Variants in CMTM8 observed in about 807,000 individuals in gnomAD.
CMTM8 encodes the protein CKLF like MARVEL transmembrane domain containing 8.
In CMTM8, 12 loss-of-function variants were observed where a neutral mutation model predicts 18.6. The observed-to-expected ratio is 0.65, with a 90% CI of 0.41 to 1.05. The LOEUF (loss-of-function observed/expected upper bound fraction) is 1.05. Among genes scored for constraint, CMTM8 ranks in the 50% least tolerant of loss-of-function variants. The pLI, the probability that CMTM8 is intolerant of heterozygous loss-of-function variation, is 0.00. For synonymous variants in CMTM8, 87 were observed against 90.6 expected (o/e 0.96, Z 0.23); for missense variants, 217 against 227.2 (o/e 0.95, Z 0.29).
At position 32,243,075 on chromosome 3, in the gene CMTM8, T is replaced by C. The variant is rs773533719; in HGVS notation, c.147+3956T>C. On this transcript the variant is annotated intron_variant, in intron 1 of 3. Coordinates refer to ENST00000307526, the MANE Select transcript of CMTM8 (RefSeq NM_178868.5). ...GCCTACCTAATTTTTGTATTTTTCATAGAGACAGGGTTTCGCCATGTTGGC... is the reference window on the plus strand; with the variant it reads ...GCCTACCTAATTTTTGTATTTTTCACAGAGACAGGGTTTCGCCATGTTGGC... Among the ~76,000 whole-genome samples, 131 of 152,040 alleles carry C rather than the reference T, an allele frequency of 8.6e-4. No homozygotes were observed. In the Middle Eastern group the frequency reaches 0.014, roughly 16 times the overall value.
At chr3:32,262,919 AC>A (rs1289015612) in intron 1 of CMTM8, among the ~76,000 whole-genome samples, 2 of 151,626 alleles carry the variant, frequency 1.3e-5, no homozygotes, top group African/African-American at 4.9e-5. Context: ...CCTCTCTGGT[AC>A]ATACTAGGGT....
intron 1 of CMTM8, among the ~76,000 whole-genome samples, chr3:32,345,650 T>C (rs899503195): frequency 2.0e-5 from 3 of 152,152 alleles, no homozygotes; most frequent in Admixed American, 1.3e-4. Context: ...ATAAAAGATA[T>C]CCATCATCTA....
intron 1 of CMTM8, among the ~76,000 whole-genome samples, chr3:32,316,102 C>T (rs1052209117): frequency 7.3e-6 from 1 of 136,486 alleles, no homozygotes; most frequent in African/African-American, 2.7e-5. Flanking sequence ...TCTCGGCTCA[C>T]TGCAAGCTCC....
At chr3:32,366,508 A>G (rs1697039852) in intron 2 of CMTM8, among the ~76,000 whole-genome samples, 1 of 152,188 alleles carries the variant, frequency 6.6e-6, no homozygotes. Context: ...TTGTATAAAG[A>G]ACTAGACATG....
intron 1 of CMTM8, among the ~76,000 whole-genome samples, chr3:32,280,838 A>C (rs1366591420): frequency 7.6e-6 from 1 of 132,016 alleles, no homozygotes; most frequent in African/African-American, 2.8e-5. Flanking sequence ...AACACGAGAG[A>C]AAATAGGCAA....
At chr3:32,244,231 AG>A (rs1166249381) in intron 1 of CMTM8, among the ~76,000 whole-genome samples, 1 of 152,208 alleles carries the variant, frequency 6.6e-6, no homozygotes, top group Non-Finnish European at 1.5e-5. Context: ...TGTGTCACCC[AG>A]GCTGGAGAGT....
rs80314343 is a variant in CMTM8, at chr3:32,296,057, C to T, written c.147+56938C>T. On this transcript the variant is annotated intron_variant, in intron 1 of 3. Transcript: ENST00000307526. ...TCTTCAGGAAACCATCCTTGATTTT[C>T]CCACCTCTCAGTCTGTGTTGTGTGC... Among the ~76,000 whole-genome samples the T allele has an allele frequency of 7.1e-3, 1,080 of 152,284 alleles. 10 individuals carry two copies. The highest frequency in any genetic ancestry group is 0.025 in the African/African-American group (1,023 of 41,556).
intron 2 of CMTM8, among the ~76,000 whole-genome samples, chr3:32,366,937 A>C (rs1382605042): frequency 6.6e-6 from 1 of 152,214 alleles, no homozygotes; most frequent in Non-Finnish European, 1.5e-5. Flanking sequence ...GGAGGTGGCG[A>C]CAGGAACATA....
chr3:32,298,438 CTTTTT>C (rs75095552), intron 1 of CMTM8, among the ~76,000 whole-genome samples: 1 of 139,084 alleles, frequency 7.2e-6, no homozygotes, highest in African/African-American at 2.7e-5. Context: ...ACATACCCCC[CTTTTT>C]TTTTTTTTTT....
intron 1 of CMTM8, among the ~76,000 whole-genome samples, chr3:32,268,585 A>C (rs1313983339): frequency 3.7e-5 from 1 of 27,042 alleles, no homozygotes; most frequent in Non-Finnish European, 6.9e-5. Context: ...CTAGAACTTA[A>C]AGTATAAAAA....
At chr3:32,322,215 C>G (rs1296429814) in intron 1 of CMTM8, among the ~76,000 whole-genome samples, 2 of 152,078 alleles carry the variant, frequency 1.3e-5, no homozygotes, top group Non-Finnish European at 2.9e-5. Context: ...GTGTGCAGTC[C>G]AATTCAGATT....
chr3:32,290,632 T>C (rs935809058), intron 1 of CMTM8, among the ~76,000 whole-genome samples: 4 of 152,250 alleles, frequency 2.6e-5, no homozygotes, highest in African/African-American at 9.6e-5. Flanking sequence ...TTTTCAAGTA[T>C]TAAAAACAAA....
intron 1 of CMTM8, among the ~76,000 whole-genome samples, chr3:32,257,975 C>A (rs1300218003): frequency 6.6e-6 from 1 of 152,006 alleles, no homozygotes; most frequent in East Asian, 1.9e-4. Context: ...AAGATGTGTG[C>A]AAATAGCTTA....
At chr3:32,342,806 ATAG>A in intron 1 of CMTM8, among the ~76,000 whole-genome samples, 1 of 152,368 alleles carries the variant, frequency 6.6e-6, no homozygotes, top group East Asian at 1.9e-4. Flanking sequence ...TAATATTAGC[ATAG>A]TAGTAATAAT....
chr3:32,311,383 G>C (rs1472848510), intron 1 of CMTM8, among the ~76,000 whole-genome samples: 1 of 152,214 alleles, frequency 6.6e-6, no homozygotes, highest in East Asian at 1.9e-4. Flanking sequence ...AGACCGTATG[G>C]CTGCAAAGCT....
At chr3:32,255,731 T>C (rs1383475465) in intron 1 of CMTM8, among the ~76,000 whole-genome samples, 1 of 152,118 alleles carries the variant, frequency 6.6e-6, no homozygotes, top group African/African-American at 2.4e-5. Flanking sequence ...CAGTTATTTT[T>C]TTGGAGGAGT....
chr3:32,240,617 G>A (rs1301867689), intron 1 of CMTM8, among the ~76,000 whole-genome samples: 3 of 152,174 alleles, frequency 2.0e-5, no homozygotes, highest in Admixed American at 6.5e-5. Context: ...TGAAAGAAAT[G>A]TAAGTGGCCC....
intron 1 of CMTM8, among the ~76,000 whole-genome samples, chr3:32,330,890 A>C (rs1696262437): frequency 6.6e-6 from 1 of 152,242 alleles, no homozygotes; most frequent in African/African-American, 2.4e-5. Context: ...AACTCCTAGA[A>C]GAAAATGAGA....
chr3:32,274,767 C>T (rs553749690), intron 1 of CMTM8, among the ~76,000 whole-genome samples: 1 of 152,230 alleles, frequency 6.6e-6, no homozygotes, highest in East Asian at 1.9e-4. Flanking sequence ...TCTTTAGTGT[C>T]CTTTAGTCTA....
Sources: gnomAD v4.1 joint callset for allele counts (sites outside exome capture counted in the v4.1 genomes callset) on GRCh38, gnomAD v4.1.1 for gene constraint, MANE v1.5 for transcripts, NCBI Gene and HGNC (gene_info 2026-07-23, HGNC 2026-07-21) for gene names.